NOX4: variants seen among roughly 807,000 people sequenced by gnomAD.
NOX4 encodes NADPH oxidase 4.
NOX4 carries 69 observed loss-of-function variants against 87.6 expected under a neutral mutation model. The ratio of observed to expected loss-of-function variants is 0.79; its 90% CI spans 0.65 to 0.96. The LOEUF (loss-of-function observed/expected upper bound fraction) is 0.96, where lower values mean the gene tolerates loss of function less well. NOX4 is among the 40% of genes least tolerant of loss of function. The pLI is 0.00. For synonymous variants in NOX4, 275 were observed against 238.2 expected, an observed-to-expected ratio of 1.15 and a Z score of -1.42; for missense variants, 680 against 681.5, an observed-to-expected ratio of 1.00 and a Z score of 0.02.
At chr11:89,354,934 C>G (rs761794934) in intron 13 of NOX4, 28 bp downstream of exon 13, 3 of 1,469,868 alleles carry the variant, frequency 2.0e-6, no homozygotes, top group South Asian at 2.3e-5. Flanking sequence ...ATTGCCTCAT[C>G]AAAACCCAGT....
At chr11:89,572,708 C>T in the NOX4 span, among the ~76,000 whole-genome samples, 3 of 152,064 alleles carry the variant, frequency 2.0e-5, no homozygotes, top group Admixed American at 1.3e-4. Flanking sequence ...TCTTTTTTCC[C>T]GTCTTTTTCC....
At chr11:89,481,037 G>A (rs1289088972) in intron 2 of NOX4, among the ~76,000 whole-genome samples, 2 of 151,956 alleles carry the variant, frequency 1.3e-5, no homozygotes, top group African/African-American at 4.8e-5. Flanking sequence ...GGCAGCCAAA[G>A]GTCAACCAAA....
intron 15 of NOX4, among the ~76,000 whole-genome samples, chr11:89,339,401 G>A (rs1945874162): frequency 6.6e-6 from 1 of 152,084 alleles, no homozygotes; most frequent in Non-Finnish European, 1.5e-5. Context: ...ACACTTAAGA[G>A]TTACCTCTGT....
chr11:89,340,861 A>G (rs1274744550), intron 14 of NOX4, among the ~76,000 whole-genome samples: 1 of 152,136 alleles, frequency 6.6e-6, no homozygotes, highest in East Asian at 1.9e-4. Flanking sequence ...GAGCATGATC[A>G]TTTTTGTAAG....
At chr11:89,415,915 T>C (rs1942740973) in intron 8 of NOX4, among the ~76,000 whole-genome samples, 1 of 152,056 alleles carries the variant, frequency 6.6e-6, no homozygotes. Flanking sequence ...CTAATTACAA[T>C]CTCTAAAGTG....
chr11:89,337,221 G>A (rs1284435535), intron 16 of NOX4, among the ~76,000 whole-genome samples: 1 of 152,030 alleles, frequency 6.6e-6, no homozygotes, highest in Non-Finnish European at 1.5e-5. Flanking sequence ...CGATAGTGAA[G>A]AGGGGAGGGG....
intron 2 of NOX4, among the ~76,000 whole-genome samples, chr11:89,464,620 A>G (rs879900088): frequency 7.9e-5 from 12 of 152,108 alleles, no homozygotes; most frequent in Non-Finnish European, 1.2e-4. Context: ...AGTCCATTCT[A>G]TGTGAATGAT....
At chr11:89,448,269 C>T (rs544247393) in intron 4 of NOX4, among the ~76,000 whole-genome samples, 1 of 152,238 alleles carries the variant, frequency 6.6e-6, no homozygotes, top group African/African-American at 2.4e-5. Context: ...TAACATCACA[C>T]ATTAAAACAG....
chr11:89,508,752 T>C, the NOX4 span, among the ~76,000 whole-genome samples: 1 of 152,056 alleles, frequency 6.6e-6, no homozygotes, highest in Non-Finnish European at 1.5e-5. Flanking sequence ...TACGTAGTGC[T>C]CAAAACACTT....
At chr11:89,472,178 A>G (rs2135446161) in intron 2 of NOX4, among the ~76,000 whole-genome samples, 1 of 152,332 alleles carries the variant, frequency 6.6e-6, no homozygotes, top group East Asian at 1.9e-4. Flanking sequence ...AAATTCTGAA[A>G]ATAAACTACC....
chr11:89,424,597 A>G (rs1440868701), intron 7 of NOX4, among the ~76,000 whole-genome samples: 4 of 152,046 alleles, frequency 2.6e-5, no homozygotes, highest in East Asian at 1.9e-4. Context: ...TAATTCTACA[A>G]TGTAAATAAT....
At chr11:89,393,257 T>C (rs1941247732) in intron 11 of NOX4, among the ~76,000 whole-genome samples, 1 of 152,108 alleles carries the variant, frequency 6.6e-6, no homozygotes, top group Non-Finnish European at 1.5e-5. Flanking sequence ...AAGAATTGTC[T>C]GATCCAATAT....
chr11:89,393,062 G>T (rs1167464538), intron 11 of NOX4, among the ~76,000 whole-genome samples: 1 of 152,104 alleles, frequency 6.6e-6, no homozygotes, highest in Non-Finnish European at 1.5e-5. Context: ...TGGAAGCTAT[G>T]TTGGACAACT....
chr11:89,402,532 T>TGA lies in NOX4; in HGVS notation c.639_640insTC (p.Lys214SerfsTer7). 1 of 1,609,190 alleles carries TGA rather than the reference T, an allele frequency of 6.2e-7. No homozygotes were observed. ...TGGGTATCTAAATTAGTTTGATACT[T>TGA]CAGCAGCCCTCTAAAATTACATTTA... On this transcript the variant is annotated frameshift_variant, in exon 9 of 18. Coordinates refer to ENST00000263317, the MANE Select transcript of NOX4 (RefSeq NM_016931.5). LOFTEE classifies it high-confidence loss of function.
chr11:89,536,421 C>CA, the NOX4 span, among the ~76,000 whole-genome samples: 1 of 152,184 alleles, frequency 6.6e-6, no homozygotes, highest in South Asian at 2.1e-4. Context: ...GCTGGGATTA[C>CA]AGGCGTGAGC....
At chr11:89,410,561 T>C (rs1942424132) in intron 8 of NOX4, among the ~76,000 whole-genome samples, 2 of 152,188 alleles carry the variant, frequency 1.3e-5, no homozygotes, top group Non-Finnish European at 2.9e-5. Flanking sequence ...TTTTTTGGGT[T>C]GGAACTCGCA....
chr11:89,440,776 A>G, intron 5 of NOX4, 61 bp from the exon 6 acceptor site: 1 of 952,822 alleles, frequency 1.0e-6, no homozygotes. Context: ...ATATAATTCT[A>G]TAAAGAGTAT....
intron 17 of NOX4, among the ~76,000 whole-genome samples, chr11:89,334,251 T>C (rs1482201724): frequency 6.6e-6 from 1 of 151,600 alleles, no homozygotes; most frequent in Admixed American, 6.6e-5. Flanking sequence ...ACATCTAAGA[T>C]GGGTGATACT....
the NOX4 span, among the ~76,000 whole-genome samples, chr11:89,517,016 T>A: frequency 1.3e-5 from 2 of 151,980 alleles, no homozygotes; most frequent in African/African-American, 2.4e-5. Context: ...CTCATTCTTC[T>A]TGTTTTCTAA....
Sources: allele counts gnomAD v4.1 joint callset (sites outside exome capture counted in the v4.1 genomes callset), GRCh38; gene constraint gnomAD v4.1.1; transcripts MANE v1.5; gene names NCBI Gene and HGNC (gene_info 2026-07-23, HGNC 2026-07-21).